Variants in RBM8A observed in about 807,000 individuals in gnomAD.
RBM8A encodes RNA-binding protein 8A.
RBM8A carries 8 observed loss-of-function variants against 25.1 expected under a neutral mutation model. That is an observed-to-expected ratio of 0.32 (90% CI 0.19 to 0.58). RBM8A has a LOEUF of 0.58. Ranked by LOEUF, RBM8A falls within the 20% of genes least tolerant of loss-of-function variation. The probability of loss-of-function intolerance (pLI) is 0.88; values close to 1 mark genes in which losing one functional copy is unlikely to be tolerated. For synonymous variants in RBM8A, 66 were observed against 80.0 expected (o/e 0.82, Z 0.94); for missense variants, 114 against 236.8 (o/e 0.48, Z 3.40).
In RBM8A at chr1:145,922,385, C is replaced by T. The variant is rs922725217; in HGVS notation, c.*3497G>A. 10 of 152,186 alleles carry T rather than the reference C, an allele frequency of 6.6e-5. No homozygotes were observed. Among genetic ancestry groups the T allele is most frequent in the Non-Finnish European group, 1.3e-4 (9 of 68,030 alleles). 9.4% of individuals were successfully genotyped at this position (152,186 alleles called of 1,614,324 possible). ...TACATGTGGACTGGGAATTAGAAGA[C>T]TTTTTGTTTCAGTCTGCCTGTTTTA... is the stretch of plus-strand genomic sequence containing the variant. On this transcript the variant is annotated 3_prime_UTR_variant, in exon 6 of 6. Coordinates refer to ENST00000583313, the MANE Select transcript of RBM8A (RefSeq NM_005105.5).
At chr1:145,927,132 C>T in intron 1 of RBM8A, 55 bp from the exon 2 acceptor site, 1 of 1,593,858 alleles carries the variant, frequency 6.3e-7, no homozygotes, top group Non-Finnish European at 8.6e-7. Flanking sequence ...TTGTAACAAT[C>T]GTCTCTTTCC....
rs1411860295 is a variant in RBM8A at position 145,925,549 on chromosome 1, T to C, written c.*333A>G. ...TGAGCCCAAGAGTTTGAAGCTGCAGTGAGCTATGATCAGCTGCAATCCACC... is the reference window on the plus strand; with the variant it reads ...TGAGCCCAAGAGTTTGAAGCTGCAGCGAGCTATGATCAGCTGCAATCCACC... On this transcript the variant is annotated 3_prime_UTR_variant, in exon 6 of 6. Coordinates refer to ENST00000583313, the MANE Select transcript of RBM8A (RefSeq NM_005105.5). The C allele has an allele frequency of 1.2e-5, 4 of 346,634 alleles. No homozygotes were observed. Among genetic ancestry groups the C allele is most frequent in the Non-Finnish European group, 2.2e-5 (4 of 178,906 alleles). 21.5% of individuals were successfully genotyped at this position (346,634 alleles called of 1,614,324 possible).
In RBM8A at chr1:145,926,969, G is replaced by A. The variant is rs1553756080; in HGVS notation, c.127+49C>T. On this transcript the variant is annotated intron_variant, in intron 2 of 5. Coordinates refer to ENST00000583313, the MANE Select transcript of RBM8A (RefSeq NM_005105.5). ...GAGGTGGGTGGGGACTCCAAAACCCGTAGCTCCTGCCCTACTAGGCCACTC... is the reference window on the plus strand; with the variant it reads ...GAGGTGGGTGGGGACTCCAAAACCCATAGCTCCTGCCCTACTAGGCCACTC... The A allele has an allele frequency of 2.5e-6, 4 of 1,613,906 alleles. No homozygotes were observed. In the South Asian group the frequency reaches 4.4e-5, roughly 18 times the overall value.
Position 145,925,205 on chromosome 1 carries a change from C to T in RBM8A, c.*677G>A. The T allele has an allele frequency of 3.4e-6, 1 of 295,594 alleles. No individual in the cohort carries two copies. The highest frequency in any genetic ancestry group is 5.3e-5 in the Admixed American group (1 of 18,694). 18.3% of individuals were successfully genotyped at this position (295,594 alleles called of 1,614,324 possible). ...GTGACATCAAGAAGGGCAGGAGAAA[C>T]AAAAGGCATTTCTATAACATCTATC... On this transcript the variant is annotated 3_prime_UTR_variant, in exon 6 of 6. Coordinates refer to ENST00000583313, the MANE Select transcript of RBM8A (RefSeq NM_005105.5).
rs1553754979 is a variant in RBM8A at position 145,921,797 on chromosome 1, T to C, written c.*4085A>G. On this transcript the variant is annotated 3_prime_UTR_variant, in exon 6 of 6. Coordinates refer to ENST00000583313, the MANE Select transcript of RBM8A (RefSeq NM_005105.5). ...CTCTGAGACTGTAGGATTAGAATTA[T>C]GTCAGAAGGAGGCCAAGAAGGGTCT... 1 of 154,632 alleles carries C rather than the reference T, an allele frequency of 6.5e-6. No individual in the cohort carries two copies. The highest frequency in any genetic ancestry group is 1.5e-5 in the Non-Finnish European group (1 of 68,908). The allele number at this position is 154,632 out of a possible 1,614,324, so 9.6% of individuals were successfully genotyped here. A position where few individuals can be genotyped will look rare whatever the true frequency, so the allele number is the denominator to read the frequency against.
rs1647958825 is a variant in RBM8A, at chr1:145,924,023, G to C, written c.*1859C>G. On this transcript the variant is annotated 3_prime_UTR_variant, in exon 6 of 6. Coordinates refer to ENST00000583313, the MANE Select transcript of RBM8A (RefSeq NM_005105.5). ...TCCAACTTCTTTAACATGGCACCAT[G>C]GATGAACTGTTTCTCAGCACTGTGC... 4.6e-6 allele frequency: 3 copies of C among 650,894 alleles called. No homozygotes were observed. The African/African-American group carries it at 5.4e-5, about 12-fold the overall frequency. 40.3% of individuals were successfully genotyped at this position (650,894 alleles called of 1,614,324 possible).
chr1:145,927,173 G>GC, intron 1 of RBM8A, 96 bp from the exon 2 acceptor site: 1 of 1,522,522 alleles, frequency 6.6e-7, no homozygotes, highest in Non-Finnish European at 9.0e-7. Context: ...GACCCACACC[G>GC]CCTCCAGTCT....
At chr1:145,927,261 T>C (rs1432499065) in intron 1 of RBM8A, 99 bp downstream of exon 1, 15 of 1,489,688 alleles carry the variant, frequency 1.0e-5, no homozygotes, top group Non-Finnish European at 1.3e-5. Context: ...GGTTCCTCGA[T>C]TCCCATCCTT....
chr1:145,927,274 G>A (rs1553756136), intron 1 of RBM8A, 86 bp downstream of exon 1: 45 of 1,504,818 alleles, frequency 3.0e-5, no homozygotes, highest in Non-Finnish European at 3.4e-5. Flanking sequence ...CCATCCTTAC[G>A]ACCGAGGAAA....
At position 145,924,113 on chromosome 1, in the gene RBM8A, G is replaced by A. The variant is rs1297917400; in HGVS notation, c.*1769C>T. 4 of 713,036 alleles carry A rather than the reference G, an allele frequency of 5.6e-6. No homozygotes were observed. The highest frequency in any genetic ancestry group is 1.0e-5 in the Non-Finnish European group (4 of 382,762). The allele number at this position is 713,036 out of a possible 1,614,324, so 44.2% of individuals were successfully genotyped here. A position where few individuals can be genotyped will look rare whatever the true frequency, so the allele number is the denominator to read the frequency against. On this transcript the variant is annotated 3_prime_UTR_variant, in exon 6 of 6. Transcript: ENST00000583313. ...TATGACATAGGTGGGTAGGTTGGGT[G>A]GTGAGGGGAACCAGTTCTAATAGTC...
rs1647806275 is a variant in RBM8A at position 145,921,962 on chromosome 1, G to C, written c.*3920C>G. Reference sequence around the variant, plus strand: ...AACAAAGAAAGGCCTGGTGGCTCAAGCCTGTAATCCCAGCATTTTGGAAGG... The same window carrying C: ...AACAAAGAAAGGCCTGGTGGCTCAACCCTGTAATCCCAGCATTTTGGAAGG... On this transcript the variant is annotated 3_prime_UTR_variant, in exon 6 of 6. Transcript: ENST00000583313. 1 of 152,186 alleles carries C rather than the reference G, an allele frequency of 6.6e-6. No homozygotes were observed. The highest frequency in any genetic ancestry group is 2.1e-4 in the South Asian group (1 of 4,836). The allele number at this position is 152,186 out of a possible 1,614,324, so 9.4% of individuals were successfully genotyped here.
At chr1:145,926,269 C>T in intron 4 of RBM8A, 92 bp from the exon 5 acceptor site, 2 of 1,541,194 alleles carry the variant, frequency 1.3e-6, no homozygotes, top group Non-Finnish European at 1.8e-6. Flanking sequence ...TCAGAAAAAT[C>T]TACACACTTT....
intron 4 of RBM8A, 60 bp downstream of exon 4, chr1:145,926,422 C>T (rs1648160189): frequency 3.2e-6 from 5 of 1,586,154 alleles, no homozygotes; most frequent in Middle Eastern, 1.7e-4. Flanking sequence ...AAACACAGAA[C>T]TACGAATGCT....
Position 145,927,385 on chromosome 1 carries a change from A to G in RBM8A, c.42T>C (p.Asp14=), listed in dbSNP as rs371420338. 20 of 1,611,910 alleles carry G rather than the reference A, an allele frequency of 1.2e-5. No homozygotes were observed. In the African/African-American group the frequency reaches 2.5e-4, roughly 20 times the overall value. The change falls in exon 1 of 6, where the codon GAT becomes GAC. Residue 14 remains aspartate (D), a synonymous_variant. Coordinates refer to ENST00000583313, the MANE Select transcript of RBM8A (RefSeq NM_005105.5). ...CGTCCCCATCCTCATCCATGGCGAA[A>G]TCTTCGCCCCCAGCCTCGTGAAGAT... ...VLDLHEAGGE[D]FAMDEDGDES...
At position 145,924,674 on chromosome 1, in the gene RBM8A, G is replaced by A. The variant is rs1485785783; in HGVS notation, c.*1208C>T. On this transcript the variant is annotated 3_prime_UTR_variant, in exon 6 of 6. Transcript: ENST00000583313. Reference sequence around the variant, plus strand: ...TAAGAAATCATATAGTCCCAGGTTGGGAAGGGGAAAACGGTTTGCAACATT... The same window carrying A: ...TAAGAAATCATATAGTCCCAGGTTGAGAAGGGGAAAACGGTTTGCAACATT... 5 of 357,170 alleles carry A rather than the reference G, an allele frequency of 1.4e-5. No homozygotes were observed. The highest frequency in any genetic ancestry group is 8.4e-5 in the South Asian group (4 of 47,532). 22.1% of individuals were successfully genotyped at this position (357,170 alleles called of 1,614,324 possible).
chr1:145,924,709 G>C lies in RBM8A; in HGVS notation c.*1173C>G. On this transcript the variant is annotated 3_prime_UTR_variant, in exon 6 of 6. Coordinates refer to ENST00000583313, the MANE Select transcript of RBM8A (RefSeq NM_005105.5). ...AACGGTTTGCAACATTCTCCTCCTT[G>C]TAGGAGGCGAGCTCTGTCTCACTAG... 1 of 372,178 alleles carries C rather than the reference G, an allele frequency of 2.7e-6. No homozygotes were observed. The allele number at this position is 372,178 out of a possible 1,614,324, so 23.1% of individuals were successfully genotyped here. A position where few individuals can be genotyped will look rare whatever the true frequency, so the allele number is the denominator to read the frequency against.
chr1:145,925,305 CCTG>C lies in RBM8A; in HGVS notation c.*574_*576del, dbSNP rs1338384709. ...AAGATCTTAACATCTCACTTCTACT[CCTG>C]CTCTCCTAGTTCCCCCCAAAAAAGA... On this transcript the variant is annotated 3_prime_UTR_variant, in exon 6 of 6. Coordinates refer to ENST00000583313, the MANE Select transcript of RBM8A (RefSeq NM_005105.5). 2 of 313,800 alleles carry C rather than the reference CCTG, an allele frequency of 6.4e-6. No individual in the cohort carries two copies. Among genetic ancestry groups the C allele is most frequent in the African/African-American group, 4.7e-5 (2 of 42,204 alleles). 19.4% of individuals were successfully genotyped at this position (313,800 alleles called of 1,614,324 possible). A position where few individuals can be genotyped will look rare whatever the true frequency, so the allele number is the denominator to read the frequency against.
At position 145,922,148 on chromosome 1, in the gene RBM8A, T is replaced by C. The variant is rs1647816396; in HGVS notation, c.*3734A>G. On this transcript the variant is annotated 3_prime_UTR_variant, in exon 6 of 6. Transcript: ENST00000583313. ...CTGAGGCACGAGAATTGCTTGAACCTGGGAAGTGGAGGCTGCAGTGAGCCA... is the reference window on the plus strand; with the variant it reads ...CTGAGGCACGAGAATTGCTTGAACCCGGGAAGTGGAGGCTGCAGTGAGCCA... 1 of 124,134 alleles carries C rather than the reference T, an allele frequency of 8.1e-6. No individual in the cohort carries two copies. Among genetic ancestry groups the C allele is most frequent in the African/African-American group, 3.1e-5 (1 of 32,278 alleles). The allele number at this position is 124,134 out of a possible 1,614,324, so 7.7% of individuals were successfully genotyped here. A position where few individuals can be genotyped will look rare whatever the true frequency, so the allele number is the denominator to read the frequency against.
chr1:145,926,446 G>A (rs782603788), intron 4 of RBM8A, 36 bp downstream of exon 4: 10 of 1,609,666 alleles, frequency 6.2e-6, no homozygotes, highest in Middle Eastern at 1.7e-4. Flanking sequence ...TAAGGCTTAT[G>A]AAAGAAAGGA....
Sources: gnomAD v4.1 joint callset for allele counts on GRCh38, gnomAD v4.1.1 for gene constraint, MANE v1.5 for transcripts, NCBI Gene and HGNC (gene_info 2026-07-23, HGNC 2026-07-21) for gene names.